Variants in QTGAL observed in about 807,000 individuals in gnomAD.
The protein encoded by QTGAL is queuosine-tRNA galactosyltransferase.
At chr17:82,988,687 G>A in the QTGAL span, among the ~76,000 whole-genome samples, 2 of 152,190 alleles carry the variant, frequency 1.3e-5, no homozygotes, top group African/African-American at 4.8e-5. Flanking sequence ...CAAAAAGTGG[G>A]CAAAGGACAT....
the QTGAL span, among the ~76,000 whole-genome samples, chr17:82,985,688 C>G: frequency 6.6e-6 from 1 of 152,246 alleles, no homozygotes. Flanking sequence ...TGCCCTAATA[C>G]GCGGGACTGA....
the QTGAL span, among the ~76,000 whole-genome samples, chr17:83,037,708 G>A: frequency 2.0e-4 from 31 of 152,370 alleles, no homozygotes; most frequent in African/African-American, 6.5e-4. This position sits in a 1 kb window ranked among gnomAD's most constrained non-coding sequence, Gnocchi z 5.2. Flanking sequence ...TTCAACAGGG[G>A]CTCTGCTCAC....
chr17:83,026,326 C>T, the QTGAL span, among the ~76,000 whole-genome samples: 2 of 152,232 alleles, frequency 1.3e-5, no homozygotes, highest in Non-Finnish European at 2.9e-5. Context: ...GGTGTGTGGA[C>T]AGGCCACAGC....
the QTGAL span, among the ~76,000 whole-genome samples, chr17:82,995,714 C>CA: frequency 2.0e-5 from 3 of 151,884 alleles, no homozygotes; most frequent in Admixed American, 2.0e-4. Context: ...CAACAGTGAA[C>CA]AATTTGAAAA....
chr17:82,970,862 T>C, the QTGAL span, among the ~76,000 whole-genome samples: 1 of 152,236 alleles, frequency 6.6e-6, no homozygotes, highest in African/African-American at 2.4e-5. Context: ...GGTTGGGGTA[T>C]GTCCAAGACC....
At chr17:82,965,610 G>T in the QTGAL span, 1 of 1,534,840 alleles carries the variant, frequency 6.5e-7, no homozygotes, top group South Asian at 1.2e-5. Flanking sequence ...ACAGGGCCCC[G>T]AACCTGGGGG....
chr17:83,004,768 C>A, the QTGAL span, among the ~76,000 whole-genome samples: 1 of 148,566 alleles, frequency 6.7e-6, no homozygotes, highest in African/African-American at 2.4e-5. Flanking sequence ...CCTCCGCAGT[C>A]CGCGTGTGGG....
the QTGAL span, among the ~76,000 whole-genome samples, chr17:82,970,639 C>T: frequency 0.019 from 1,039 of 54,456 alleles, 227 homozygotes; most frequent in East Asian, 0.12. Flanking sequence ...CCGCGACCTC[C>T]GCACCCGGTG....
At chr17:82,999,715 G>C in the QTGAL span, among the ~76,000 whole-genome samples, 206 of 152,258 alleles carry the variant, frequency 1.4e-3, 1 homozygote, top group Non-Finnish European at 1.4e-3. Context: ...CACGTAGTCT[G>C]TTTACAAGAA....
chr17:82,960,901 A>G, the QTGAL span, among the ~76,000 whole-genome samples: 2 of 152,178 alleles, frequency 1.3e-5, no homozygotes, highest in African/African-American at 2.4e-5. Context: ...CACCCTCGGG[A>G]TGTGCTGTTG....
the QTGAL span, among the ~76,000 whole-genome samples, chr17:83,027,699 C>CAAAAAAA: frequency 3.2e-4 from 10 of 31,500 alleles, no homozygotes; most frequent in Admixed American, 4.6e-4. Context: ...GAGACGCTCT[C>CAAAAAAA]AAAAAAAAAA....
the QTGAL span, among the ~76,000 whole-genome samples, chr17:82,996,924 A>G: frequency 6.6e-6 from 1 of 152,240 alleles, no homozygotes; most frequent in Non-Finnish European, 1.5e-5. Flanking sequence ...TACATTTAAG[A>G]CTTCAAACTA....
the QTGAL span, among the ~76,000 whole-genome samples, chr17:83,017,348 C>T: frequency 1.8e-4 from 27 of 152,238 alleles, no homozygotes; most frequent in Middle Eastern, 3.4e-3. Context: ...TATGGCCAGG[C>T]GCAGTAGCTC....
the QTGAL span, among the ~76,000 whole-genome samples, chr17:82,991,944 T>C: frequency 1.3e-5 from 2 of 152,176 alleles, no homozygotes; most frequent in East Asian, 1.9e-4. Flanking sequence ...AACTTTTTAA[T>C]AGCAGAATTG....
chr17:82,993,869 A>C, the QTGAL span, among the ~76,000 whole-genome samples: 2 of 152,128 alleles, frequency 1.3e-5, no homozygotes, highest in African/African-American at 2.4e-5. Flanking sequence ...TGGAAACTAT[A>C]CAAACAATGG....
At chr17:82,985,784 C>A in the QTGAL span, among the ~76,000 whole-genome samples, 17 of 152,298 alleles carry the variant, frequency 1.1e-4, no homozygotes, top group South Asian at 3.5e-3. Flanking sequence ...TTTTTACTTC[C>A]CAGTTAAGAA....
At chr17:83,002,880 C>CCCGCCCTG in the QTGAL span, among the ~76,000 whole-genome samples, 1 of 61,140 alleles carries the variant, frequency 1.6e-5, no homozygotes, top group Admixed American at 1.6e-4. Context: ...GATTCCTGAG[C>CCCGCCCTG]CCGCCCTCCG....
the QTGAL span, chr17:83,006,171 G>C: frequency 2.0e-6 from 2 of 986,342 alleles, no homozygotes; most frequent in Non-Finnish European, 2.4e-6. The surrounding 1 kb of genome is among the most constrained non-coding windows in gnomAD (Gnocchi z 5.8). Context: ...GGAGACAATA[G>C]TGAAAATGTA....
chr17:82,958,795 A>G, the QTGAL span, among the ~76,000 whole-genome samples: 188 of 106,298 alleles, frequency 1.8e-3, no homozygotes, highest in East Asian at 0.016. Context: ...ACACTGAAGC[A>G]TGTGTGTGTG....
Sources: gnomAD v4.1 joint callset for allele counts (sites outside exome capture counted in the v4.1 genomes callset) on GRCh38, gnomAD v4.1.1 for gene constraint, Gnocchi (gnomAD v3.1) non-coding constraint, MANE v1.5 for transcripts, NCBI Gene and HGNC (gene_info 2026-07-23, HGNC 2026-07-21) for gene names.